The following WWC1 variants were observed in gnomAD, a reference collection of about 807,000 sequenced individuals.
WWC1 encodes the protein protein KIBRA.
Under a neutral mutation model 138.4 loss-of-function variants are expected in WWC1, and 55 were observed. The ratio of observed to expected loss-of-function variants is 0.40; its 90% CI spans 0.32 to 0.50. The LOEUF (loss-of-function observed/expected upper bound fraction) is 0.50. Ranked by LOEUF, WWC1 falls within the 20% of genes least tolerant of loss-of-function variation. WWC1 has a pLI of 0.72. For synonymous variants in WWC1, 524 were observed against 564.9 expected (o/e 0.93, Z 1.03); for missense variants, 1,226 against 1,420.4 (o/e 0.86, Z 2.20).
intron 13 of WWC1, 75 bp downstream of exon 13, chr5:168,428,862 C>T (rs2152858234): frequency 1.3e-6 from 2 of 1,515,320 alleles, no homozygotes; most frequent in Middle Eastern, 1.8e-4. Context: ...CGTTCCCCAG[C>T]ATTTACCTTC....
intron 1 of WWC1, among the ~76,000 whole-genome samples, chr5:168,341,702 TAA>T (rs3832365): frequency 2.7e-5 from 4 of 146,098 alleles, no homozygotes; most frequent in African/African-American, 2.5e-5. Context: ...TTTGCTGATT[TAA>T]AAAAAAAAAA....
chr5:168,469,057 G>A lies in WWC1; in HGVS notation c.*40G>A. On this transcript the variant is annotated 3_prime_UTR_variant, in exon 23 of 23. Transcript: ENST00000265293. ...TTTCCTTTGTTCCACTGACCAGGCT[G>A]TGAACATTGACTGTGGCTAAAGTTA... 5 of 1,609,706 alleles carry A rather than the reference G, an allele frequency of 3.1e-6. No individual in the cohort carries two copies. Among genetic ancestry groups the A allele is most frequent in the Non-Finnish European group, 4.3e-6 (5 of 1,175,988 alleles).
chr5:168,373,719 TAAAAAAAAAAAAAAAAAAA>T (rs368930085), intron 2 of WWC1, among the ~76,000 whole-genome samples: 1 of 52,644 alleles, frequency 1.9e-5, no homozygotes, highest in Non-Finnish European at 3.2e-5. Flanking sequence ...CCTTGTCTCT[TAAAAAAAAAAAAAAAAAAA>T]AAAAAAAAAA....
intron 1 of WWC1, among the ~76,000 whole-genome samples, chr5:168,294,427 A>AC (rs1769342635): frequency 6.6e-6 from 1 of 152,108 alleles, no homozygotes; most frequent in Non-Finnish European, 1.5e-5. Context: ...AACAAAAAAA[A>AC]CAAAAAACCA....
chr5:168,465,090 G>A (rs890945755), intron 21 of WWC1, 128 bp downstream of exon 21: 1 of 1,369,932 alleles, frequency 7.3e-7, no homozygotes, highest in Non-Finnish European at 9.7e-7. Context: ...TCCACTGAGG[G>A]TGTTCCACCC....
At chr5:168,311,089 A>C (rs1386386732) in intron 1 of WWC1, among the ~76,000 whole-genome samples, 1 of 152,114 alleles carries the variant, frequency 6.6e-6, no homozygotes, top group Non-Finnish European at 1.5e-5. Flanking sequence ...GGTTGGTGTC[A>C]GTTCCCAAGC....
chr5:168,450,285 T>C (rs1755680930), intron 17 of WWC1, among the ~76,000 whole-genome samples: 1 of 152,144 alleles, frequency 6.6e-6, no homozygotes, highest in Admixed American at 6.5e-5. Flanking sequence ...TTTTAAGGAC[T>C]ATCACCAAAA....
chr5:168,430,327 A>G, intron 14 of WWC1, 104 bp downstream of exon 14: 1 of 907,910 alleles, frequency 1.1e-6, no homozygotes, highest in Non-Finnish European at 1.7e-6. Context: ...GGCCTTGTCA[A>G]GGCACTGTGG....
intron 5 of WWC1, among the ~76,000 whole-genome samples, chr5:168,401,408 A>G (rs56229441): frequency 0.012 from 1,799 of 152,246 alleles, 41 homozygotes; most frequent in African/African-American, 0.041. Context: ...CCTGACTGCT[A>G]TACCTTTTCC....
At chr5:168,350,863 A>C (rs1309303949) in intron 1 of WWC1, among the ~76,000 whole-genome samples, 1 of 152,122 alleles carries the variant, frequency 6.6e-6, no homozygotes, top group Non-Finnish European at 1.5e-5. Context: ...TCCCAGCTAG[A>C]GGCTGGGCGC....
At chr5:168,439,753 G>A (rs1032664700) in intron 15 of WWC1, among the ~76,000 whole-genome samples, 1 of 152,170 alleles carries the variant, frequency 6.6e-6, no homozygotes, top group African/African-American at 2.4e-5. Flanking sequence ...CAGCTACAAG[G>A]AGAATTATTC....
chr5:168,443,143 CT>C (rs1433522577), intron 16 of WWC1, among the ~76,000 whole-genome samples: 2 of 152,226 alleles, frequency 1.3e-5, no homozygotes, highest in African/African-American at 4.8e-5. Context: ...CCTTCCCTCT[CT>C]GTAACGGTTG....
intron 17 of WWC1, among the ~76,000 whole-genome samples, chr5:168,446,856 CAG>C (rs765671913): frequency 6.6e-6 from 1 of 152,148 alleles, no homozygotes; most frequent in Non-Finnish European, 1.5e-5. Flanking sequence ...TGGCTGGAAA[CAG>C]GGTAAATCCC....
intron 9 of WWC1, chr5:168,414,892 C>T: frequency 3.1e-6 from 1 of 321,892 alleles, no homozygotes; most frequent in Non-Finnish European, 5.7e-6. Flanking sequence ...TAACTTAAAG[C>T]AGTCATTTTC....
intron 15 of WWC1, among the ~76,000 whole-genome samples, chr5:168,433,412 A>G (rs1025527813): frequency 5.3e-5 from 8 of 152,164 alleles, no homozygotes; most frequent in African/African-American, 1.9e-4. Context: ...ATCGGTTCCC[A>G]TCTCTCCTTC....
intron 1 of WWC1, among the ~76,000 whole-genome samples, chr5:168,359,385 G>T (rs1007397589): frequency 6.6e-6 from 1 of 152,136 alleles, no homozygotes; most frequent in African/African-American, 2.4e-5. Flanking sequence ...CCTAATATGT[G>T]TCTGAAATTA....
At chr5:168,447,248 T>C (rs1216375202) in intron 17 of WWC1, among the ~76,000 whole-genome samples, 1 of 152,256 alleles carries the variant, frequency 6.6e-6, no homozygotes, top group Non-Finnish European at 1.5e-5. Flanking sequence ...CGTATTATTA[T>C]TCTCTTAGAG....
chr5:168,368,086 T>G (rs1776454321), intron 1 of WWC1, among the ~76,000 whole-genome samples: 1 of 122,362 alleles, frequency 8.2e-6, no homozygotes, highest in African/African-American at 2.9e-5. Flanking sequence ...AAAGAACACT[T>G]CATCTTTTTT....
chr5:168,310,335 TTC>T (rs1770953751), intron 1 of WWC1, among the ~76,000 whole-genome samples: 2 of 151,780 alleles, frequency 1.3e-5, no homozygotes, highest in African/African-American at 4.8e-5. Context: ...TTACCTTATA[TTC>T]TCTTATTCTT....
Sources: gnomAD v4.1 joint callset for allele counts (sites outside exome capture counted in the v4.1 genomes callset) on GRCh38, gnomAD v4.1.1 for gene constraint, MANE v1.5 for transcripts, NCBI Gene and HGNC (gene_info 2026-07-23, HGNC 2026-07-21) for gene names.